The following EFCC1 variants were observed in gnomAD, a reference collection of about 807,000 sequenced individuals.
The protein encoded by EFCC1 is EF-hand and coiled-coil domain-containing protein 1.
A neutral mutation model predicts 52.1 loss-of-function variants in EFCC1; 50 were observed. The observed-to-expected ratio is 0.96, with a 90% CI of 0.76 to 1.21. The LOEUF is 1.21. Among genes scored for constraint, EFCC1 ranks in the 50% most tolerant of loss-of-function variants. The probability of loss-of-function intolerance (pLI) is 0.00; values close to 1 mark genes in which losing one functional copy is unlikely to be tolerated. For missense variants in EFCC1, 837 were observed against 867.3 expected (o/e 0.97, Z 0.44); for synonymous variants, 399 against 396.5 (o/e 1.01, Z -0.08).
chr3:129,020,478 A>T (rs1385011234), intron 2 of EFCC1, among the ~76,000 whole-genome samples: 1 of 152,094 alleles, frequency 6.6e-6, no homozygotes, highest in Non-Finnish European at 1.5e-5. Flanking sequence ...CTCTACAAAA[A>T]ATACAAAAAT....
chr3:129,034,259 T>C lies in EFCC1; in HGVS notation c.1382T>C (p.Ile461Thr), dbSNP rs200720072. Residue 461 changes from isoleucine (I) to threonine (T), a missense_variant, in exon 5 of 8, where the codon ATT (isoleucine) becomes ACT (threonine). Transcript: ENST00000683648. ...AHTLGELEAC[I>T]AMLVEQLRTQ... Reference sequence around the variant, plus strand: ...ACCCTGGGGGAGCTGGAGGCCTGCATTGCCATGCTGGTGGAGCAGCTGAGG... The same window carrying C: ...ACCCTGGGGGAGCTGGAGGCCTGCACTGCCATGCTGGTGGAGCAGCTGAGG... 2.9e-4 allele frequency: 467 copies of C among 1,614,024 alleles called. 1 individual carries two copies. The highest frequency in any genetic ancestry group is 6.1e-4 in the South Asian group (56 of 91,090).
At chr3:129,015,547 C>T (rs1207473990) in intron 2 of EFCC1, among the ~76,000 whole-genome samples, 1 of 151,986 alleles carries the variant, frequency 6.6e-6, no homozygotes, top group Non-Finnish European at 1.5e-5. Context: ...GCTGGCAGGG[C>T]CTTAGAAGTC....
chr3:129,037,292 G>A (rs940396213), intron 6 of EFCC1, among the ~76,000 whole-genome samples, 175 bp downstream of exon 6: 4 of 152,168 alleles, frequency 2.6e-5, no homozygotes, highest in South Asian at 2.1e-4. Flanking sequence ...GGGTTGGGGG[G>A]CTCCCCAGGT....
At chr3:129,025,522 G>A (rs1214391888) in intron 2 of EFCC1, among the ~76,000 whole-genome samples, 1 of 152,246 alleles carries the variant, frequency 6.6e-6, no homozygotes, top group Non-Finnish European at 1.5e-5. Context: ...GGCAGCATGT[G>A]TAGTAGGCAC....
chr3:129,013,936 C>T (rs1192950781), intron 2 of EFCC1, among the ~76,000 whole-genome samples: 1 of 152,184 alleles, frequency 6.6e-6, no homozygotes, highest in Non-Finnish European at 1.5e-5. Flanking sequence ...TAGGCAGGGG[C>T]AGGAGCGACT....
At chr3:129,011,012 G>C (rs547434564) in intron 2 of EFCC1, among the ~76,000 whole-genome samples, 14 of 152,246 alleles carry the variant, frequency 9.2e-5, no homozygotes, top group African/African-American at 3.1e-4. Context: ...CAGTTTCCTC[G>C]GCTATAAAGT....
At position 129,021,500 on chromosome 3, in the gene EFCC1, G is replaced by A. The variant is rs561389820; in HGVS notation, c.981-9203G>A. On this transcript the variant is annotated intron_variant, in intron 2 of 7. Transcript: ENST00000683648. Reference sequence around the variant, plus strand: ...CAGGCAGGAGAATCGCTTGAACCCGGGAGGCGGAGGTTGTGGTGAGACTAG... The same window carrying A: ...CAGGCAGGAGAATCGCTTGAACCCGAGAGGCGGAGGTTGTGGTGAGACTAG... 8.5e-5 allele frequency among the ~76,000 whole-genome samples: 13 copies of A among 152,246 alleles called. No homozygotes were observed. In the South Asian group the frequency reaches 2.7e-3, roughly 32 times the overall value.
chr3:129,005,265 A>G (rs1945021067), intron 2 of EFCC1, among the ~76,000 whole-genome samples: 1 of 152,238 alleles, frequency 6.6e-6, no homozygotes, highest in African/African-American at 2.4e-5. Flanking sequence ...CCTGCCCCCA[A>G]AGAAGTGACA....
chr3:129,002,481 C>T (rs564586466), intron 1 of EFCC1, 157 bp downstream of exon 1: 3 of 1,337,836 alleles, frequency 2.2e-6, no homozygotes, highest in Non-Finnish European at 2.9e-6. Context: ...TTGCATCTTG[C>T]CCCTGTTCCT....
chr3:129,038,582 G>GTAA (rs1226403110), intron 6 of EFCC1, among the ~76,000 whole-genome samples: 1 of 152,242 alleles, frequency 6.6e-6, no homozygotes, highest in African/African-American at 2.4e-5. Context: ...GGCACAGATG[G>GTAA]TAATCCTTAG....
chr3:129,031,547 C>T (rs1295840477), intron 3 of EFCC1, among the ~76,000 whole-genome samples: 1 of 152,190 alleles, frequency 6.6e-6, no homozygotes, highest in South Asian at 2.1e-4. Context: ...TGTTTTTAAA[C>T]AGCTGTATCA....
rs1253548902 is a variant in EFCC1, at chr3:129,032,840, G to A, written c.1160G>A (p.Arg387His). 45 of 1,551,208 alleles carry A rather than the reference G, an allele frequency of 2.9e-5. No homozygotes were observed. Among genetic ancestry groups the A allele is most frequent in the Non-Finnish European group, 3.6e-5 (41 of 1,146,876 alleles). Residue 387 changes from arginine (R) to histidine (H), a missense_variant, in exon 4 of 8, where the codon CGC (arginine) becomes CAC (histidine). Coordinates refer to ENST00000683648, the MANE Select transcript of EFCC1 (RefSeq NM_001377500.1). ...CCAGCAGTGGACGAGCAGCTGTTCC[G>A]CTCCGTGGAGGGCCAGGCCGCCTCT... ...LDEAVDEQLF[R>H]SVEGQAASDE...
chr3:129,005,490 A>G (rs1172675311), intron 2 of EFCC1, among the ~76,000 whole-genome samples: 1 of 152,072 alleles, frequency 6.6e-6, no homozygotes, highest in Non-Finnish European at 1.5e-5. Context: ...CTTAAGAGAA[A>G]GAACATGAAA....
chr3:129,028,763 C>T (rs899035972), intron 2 of EFCC1, among the ~76,000 whole-genome samples: 1 of 152,024 alleles, frequency 6.6e-6, no homozygotes, highest in East Asian at 1.9e-4. Flanking sequence ...CTGCCTTGGC[C>T]TCCCGAGTAG....
rs536243378 is a variant in EFCC1 at position 129,013,757 on chromosome 3, G to A, written c.980+9680G>A. 3.3e-5 allele frequency among the ~76,000 whole-genome samples: 5 copies of A among 152,266 alleles called. No homozygotes were observed. The South Asian group carries it at 1.0e-3, about 32-fold the overall frequency. ...AGCTAGACCTGGCTAAAACATTCCC[G>A]CCATTGGCCCTGCCCGACACATGGG... On this transcript the variant is annotated intron_variant, in intron 2 of 7. Coordinates refer to ENST00000683648, the MANE Select transcript of EFCC1 (RefSeq NM_001377500.1).
chr3:129,015,689 T>C (rs1559963399), intron 2 of EFCC1, among the ~76,000 whole-genome samples: 1 of 152,048 alleles, frequency 6.6e-6, no homozygotes, highest in African/African-American at 2.4e-5. Context: ...CGAATTCAGG[T>C]AGGGACCAGA....
chr3:129,005,566 A>C (rs1010125526), intron 2 of EFCC1, among the ~76,000 whole-genome samples: 6 of 152,270 alleles, frequency 3.9e-5, no homozygotes, highest in African/African-American at 1.2e-4. Context: ...CCCTGGCTAC[A>C]ATGTGACAAA....
Position 129,039,817 on chromosome 3 carries a change from C to G in EFCC1, c.1769C>G (p.Ala590Gly). The G allele has an allele frequency of 6.2e-7, 1 of 1,610,912 alleles. No homozygotes were observed. Among genetic ancestry groups the G allele is most frequent in the Non-Finnish European group, 8.5e-7 (1 of 1,178,046 alleles). ...TCGGCACCAGCCTCTGCAGCAGCTGCGCTCACCAACCCCCTCCTCGTCTCC... is the reference window on the plus strand; with the variant it reads ...TCGGCACCAGCCTCTGCAGCAGCTGGGCTCACCAACCCCCTCCTCGTCTCC... ...QPSAPASAAAALTNPLLVSC is the reference protein window; with the variant it reads ...QPSAPASAAAGLTNPLLVSC Residue 590 changes from alanine (A) to glycine (G), a missense_variant, in exon 8 of 8, where the codon GCG (alanine) becomes GGG (glycine). Coordinates refer to ENST00000683648, the MANE Select transcript of EFCC1 (RefSeq NM_001377500.1).
At position 129,001,986 on chromosome 3, in the gene EFCC1, G is replaced by A. The variant is rs1472684251; in HGVS notation, c.358G>A (p.Asp120Asn). The change falls in exon 1 of 8, where the codon GAC (aspartate) becomes AAC (asparagine). Residue 120 changes from aspartate to asparagine, a missense_variant. Physicochemically the swap from Asp to Asn is conservative, Grantham distance 23. Coordinates refer to ENST00000683648, the MANE Select transcript of EFCC1 (RefSeq NM_001377500.1). ...PGDAAAELAT[D>N]GDSDTDEEAR... is the part of the protein sequence containing the mutation. ...GGATGCGGCCGCTGAGTTGGCCACG[G>A]ACGGGGACTCAGATACCGATGAAGA... is the stretch of plus-strand genomic sequence containing the variant. The A allele has an allele frequency of 1.3e-6, 2 of 1,545,702 alleles. No individual in the cohort carries two copies. The highest frequency in any genetic ancestry group is 1.4e-5 in the African/African-American group (1 of 72,328).
Sources: gnomAD v4.1 joint callset for allele counts (sites outside exome capture counted in the v4.1 genomes callset) on GRCh38, gnomAD v4.1.1 for gene constraint, MANE v1.5 for transcripts, NCBI Gene and HGNC (gene_info 2026-07-23, HGNC 2026-07-21) for gene names.